Variants in ESRRG observed in about 807,000 individuals in gnomAD.
ESRRG encodes estrogen-related receptor gamma.
Under a neutral mutation model 44.0 loss-of-function variants are expected in ESRRG, and 13 were observed. The observed-to-expected ratio is 0.30, with a 90% CI of 0.19 to 0.47. ESRRG has a LOEUF of 0.47. Among genes scored for constraint, ESRRG ranks in the 20% least tolerant of loss-of-function variants. ESRRG has a pLI of 1.00. For synonymous variants in ESRRG, 215 were observed against 214.6 expected (o/e 1.00, Z -0.02); for missense variants, 395 against 580.6 (o/e 0.68, Z 3.29).
At chr1:216,970,762 T>A (rs997063167) in intron 1 of ESRRG, among the ~76,000 whole-genome samples, 5 of 152,220 alleles carry the variant, frequency 3.3e-5, no homozygotes, top group African/African-American at 1.2e-4. Flanking sequence ...TATTTGAATG[T>A]CCTTTCAATT....
intron 2 of ESRRG, among the ~76,000 whole-genome samples, chr1:216,790,414 T>C (rs2094281871): frequency 6.6e-6 from 1 of 152,148 alleles, no homozygotes; most frequent in African/African-American, 2.4e-5. Flanking sequence ...TAAGTCACTT[T>C]ATAAAATGCT....
intron 2 of ESRRG, among the ~76,000 whole-genome samples, chr1:216,671,681 A>G (rs1290146681): frequency 1.3e-5 from 2 of 152,164 alleles, no homozygotes; most frequent in African/African-American, 4.8e-5. Context: ...TAAATCCAAA[A>G]CCGATGCTAT....
intron 1 of ESRRG, among the ~76,000 whole-genome samples, chr1:216,967,611 T>C (rs1560296646): frequency 6.6e-6 from 1 of 152,216 alleles, no homozygotes; most frequent in Non-Finnish European, 1.5e-5. Context: ...TGTCTGGATG[T>C]ACCATGGTTT....
chr1:216,589,666 G>A (rs1189266443), intron 3 of ESRRG, among the ~76,000 whole-genome samples: 1 of 152,054 alleles, frequency 6.6e-6, no homozygotes, highest in Non-Finnish European at 1.5e-5. Context: ...CACTCTGGGA[G>A]GCCGAGGCAG....
chr1:216,539,780 GTT>G (rs1417834644), intron 5 of ESRRG, among the ~76,000 whole-genome samples: 3 of 151,880 alleles, frequency 2.0e-5, no homozygotes, highest in African/African-American at 7.3e-5. Context: ...GAATTTAGTA[GTT>G]TTATAATGGA....
intron 2 of ESRRG, among the ~76,000 whole-genome samples, chr1:216,790,429 T>C (rs1354428674): frequency 6.6e-6 from 1 of 152,120 alleles, no homozygotes; most frequent in African/African-American, 2.4e-5. Context: ...AATGCTTTCA[T>C]ACAAACATAA....
At chr1:216,974,632 A>G (rs907808381) in intron 1 of ESRRG, among the ~76,000 whole-genome samples, 1 of 152,212 alleles carries the variant, frequency 6.6e-6, no homozygotes, top group Non-Finnish European at 1.5e-5. Flanking sequence ...TCTCAGTTTG[A>G]AAGAGATATG....
intron 2 of ESRRG, among the ~76,000 whole-genome samples, chr1:216,757,244 C>T (rs2092502235): frequency 6.6e-6 from 1 of 151,896 alleles, no homozygotes; most frequent in African/African-American, 2.4e-5. Flanking sequence ...CTAGATTAGT[C>T]CTGCTTGAGT....
At chr1:216,761,472 C>T (rs2092769472) in intron 2 of ESRRG, among the ~76,000 whole-genome samples, 1 of 151,968 alleles carries the variant, frequency 6.6e-6, no homozygotes, top group African/African-American at 2.4e-5. Context: ...ATAAATGATC[C>T]ATAATTTCAT....
At chr1:216,958,261 A>G (rs1320030323) in intron 1 of ESRRG, among the ~76,000 whole-genome samples, 5 of 152,162 alleles carry the variant, frequency 3.3e-5, no homozygotes, top group Non-Finnish European at 7.4e-5. Flanking sequence ...TTTTTTGTGG[A>G]CTTATCCTTT....
intron 2 of ESRRG, among the ~76,000 whole-genome samples, chr1:216,928,828 C>T (rs754826139): frequency 6.6e-6 from 1 of 152,192 alleles, no homozygotes; most frequent in Non-Finnish European, 1.5e-5. Flanking sequence ...CTTGAAGACA[C>T]TACTCTGAGT....
At chr1:217,130,850 A>G (rs1179763113) in intron 1 of ESRRG, among the ~76,000 whole-genome samples, 1 of 152,112 alleles carries the variant, frequency 6.6e-6, no homozygotes, top group Non-Finnish European at 1.5e-5. Context: ...TTCCTGAAAA[A>G]GAACACATAC....
intron 1 of ESRRG, chr1:216,707,308 A>T (rs2082645026): frequency 6.5e-7 from 1 of 1,530,122 alleles, no homozygotes; most frequent in African/African-American, 1.4e-5. Context: ...TTTAAGATTT[A>T]ATGGCAACTT....
intron 2 of ESRRG, among the ~76,000 whole-genome samples, chr1:216,868,077 TC>T (rs1489959795): frequency 1.5e-5 from 2 of 132,232 alleles, no homozygotes; most frequent in Non-Finnish European, 3.2e-5. Context: ...TGTATATTGA[TC>T]CTTTTTTTTT....
chr1:217,116,948 C>A (rs976529064), intron 1 of ESRRG, among the ~76,000 whole-genome samples: 1 of 152,128 alleles, frequency 6.6e-6, no homozygotes, highest in South Asian at 2.1e-4. Context: ...CCTCATTAAG[C>A]CTTAATTTCC....
chr1:217,113,129 C>T (rs1412336675), intron 1 of ESRRG, among the ~76,000 whole-genome samples: 1 of 152,146 alleles, frequency 6.6e-6, no homozygotes, highest in Non-Finnish European at 1.5e-5. Flanking sequence ...TGTTTCCTGG[C>T]CTTTCTACCA....
At chr1:216,540,060 T>C (rs1264880697) in intron 5 of ESRRG, among the ~76,000 whole-genome samples, 1 of 152,078 alleles carries the variant, frequency 6.6e-6, no homozygotes, top group East Asian at 1.9e-4. Context: ...TTCTTGGAGA[T>C]GCTGTCTGGC....
At chr1:216,694,238 A>G (rs1398981764) in intron 1 of ESRRG, among the ~76,000 whole-genome samples, 2 of 152,196 alleles carry the variant, frequency 1.3e-5, no homozygotes, top group African/African-American at 4.8e-5. Context: ...GCATTAAATC[A>G]GAAGGATATC....
intron 1 of ESRRG, among the ~76,000 whole-genome samples, chr1:217,069,408 T>C (rs2090258055): frequency 1.4e-5 from 2 of 145,972 alleles, no homozygotes; most frequent in Admixed American, 1.4e-4. Context: ...TGTATATAGA[T>C]AGATAGACAG....
Sources: allele counts gnomAD v4.1 joint callset (sites outside exome capture counted in the v4.1 genomes callset), GRCh38; gene constraint gnomAD v4.1.1; transcripts MANE v1.5; gene names NCBI Gene and HGNC (gene_info 2026-07-23, HGNC 2026-07-21).